SULT2B1: variants seen among roughly 807,000 people sequenced by gnomAD.
The protein encoded by SULT2B1 is sulfotransferase 2B1.
Under a neutral mutation model 33.2 loss-of-function variants are expected in SULT2B1, and 16 were observed. The ratio of observed to expected loss-of-function variants is 0.48; its 90% CI spans 0.33 to 0.73. SULT2B1 has a LOEUF of 0.73. Ranked by LOEUF, SULT2B1 falls within the 30% of genes least tolerant of loss-of-function variation. SULT2B1 has a pLI of 0.02. For synonymous variants in SULT2B1, 186 were observed against 200.5 expected (o/e 0.93, Z 0.61); for missense variants, 500 against 506.0 (o/e 0.99, Z 0.11).
chr19:48,591,801 G>C, intron 4 of SULT2B1, 66 bp downstream of exon 4: 3 of 1,483,172 alleles, frequency 2.0e-6, no homozygotes, highest in Non-Finnish European at 2.7e-6. Context: ...GATGGGCAGA[G>C]GGACAGAGGA....
Position 48,587,299 on chromosome 19 carries a change from G to T in SULT2B1, c.285G>T (p.Val95=). 6.2e-7 allele frequency: 1 copy of T among 1,614,058 alleles called. No individual in the cohort carries two copies. Among genetic ancestry groups the T allele is most frequent in the Non-Finnish European group, 8.5e-7 (1 of 1,180,012 alleles). The change falls in exon 3 of 7, where the codon GTG becomes GTT. Residue 95 remains valine (V), a synonymous_variant. Transcript: ENST00000201586. The part of the protein sequence containing the change: ...KEGDPSWIRS[V]PIWERAPWCE... Reference sequence around the variant, plus strand: ...GGGATCCATCCTGGATCCGCTCCGTGCCCATCTGGGAGCGGGCACCCTGGT... The same window carrying T: ...GGGATCCATCCTGGATCCGCTCCGTTCCCATCTGGGAGCGGGCACCCTGGT...
In SULT2B1 at chr19:48,599,044, C is replaced by T. The variant is rs756895887; in HGVS notation, c.827-91C>T. 1.3e-5 allele frequency: 20 copies of T among 1,499,564 alleles called. No individual in the cohort carries two copies. The highest frequency in any genetic ancestry group is 2.6e-5 in the South Asian group (2 of 77,772). The allele number at this position is 1,499,564 out of a possible 1,614,324, so 92.9% of individuals were successfully genotyped here. A position where few individuals can be genotyped will look rare whatever the true frequency, so the allele number is the denominator to read the frequency against. On this transcript the variant is annotated intron_variant, in intron 6 of 6. Transcript: ENST00000201586. This position sits in a 1 kb window ranked among gnomAD's most constrained non-coding sequence, Gnocchi z 4.1. ...GCAAAGGGAACACCTCGCCAAAGGC[C>T]GGGAAGGGGAAGGAGGTTGCTGGAA...
At chr19:48,572,850 G>A (rs1973348807) in intron 1 of SULT2B1, among the ~76,000 whole-genome samples, 1 of 152,072 alleles carries the variant, frequency 6.6e-6, no homozygotes, top group Non-Finnish European at 1.5e-5. Context: ...GGGCTGGGAA[G>A]TTGGGCCTTT....
intron 3 of SULT2B1, among the ~76,000 whole-genome samples, chr19:48,590,754 G>A (rs1275088029): frequency 1.3e-5 from 2 of 152,174 alleles, no homozygotes; most frequent in African/African-American, 4.8e-5. Flanking sequence ...GTTATTACAA[G>A]ACCTCACACC....
At chr19:48,580,870 G>A (rs1601102352) in intron 2 of SULT2B1, among the ~76,000 whole-genome samples, 1 of 152,010 alleles carries the variant, frequency 6.6e-6, no homozygotes, top group Non-Finnish European at 1.5e-5. Context: ...CCAAAGTGCT[G>A]GGATTACAGG....
At chr19:48,585,434 G>A (rs1458161189) in intron 2 of SULT2B1, among the ~76,000 whole-genome samples, 1 of 151,942 alleles carries the variant, frequency 6.6e-6, no homozygotes, top group African/African-American at 2.4e-5. Flanking sequence ...TTGGGAGGCT[G>A]AGGCAGGTGG....
intron 1 of SULT2B1, 99 bp from the exon 2 acceptor site, chr19:48,575,842 G>C: frequency 6.5e-7 from 1 of 1,532,036 alleles, no homozygotes; most frequent in South Asian, 1.3e-5. Flanking sequence ...GAGGCTCTGA[G>C]GAGGAAGTTC....
intron 1 of SULT2B1, among the ~76,000 whole-genome samples, chr19:48,560,707 T>A (rs1973164351): frequency 6.6e-6 from 1 of 152,128 alleles, no homozygotes; most frequent in African/African-American, 2.4e-5. Context: ...ATGCCTATAA[T>A]CCCAGCACTT....
At chr19:48,553,991 G>A (rs557302702) in intron 1 of SULT2B1, among the ~76,000 whole-genome samples, 28 of 152,058 alleles carry the variant, frequency 1.8e-4, no homozygotes, top group African/African-American at 6.3e-4. Context: ...TCTCCGCGAC[G>A]GCTCTGCCAG....
intron 1 of SULT2B1, among the ~76,000 whole-genome samples, chr19:48,574,450 G>C (rs1055295156): frequency 6.6e-6 from 1 of 152,114 alleles, no homozygotes; most frequent in Non-Finnish European, 1.5e-5. Context: ...ATTCCTTCAG[G>C]GCCTCTCCAA....
intron 1 of SULT2B1, among the ~76,000 whole-genome samples, chr19:48,570,604 G>A (rs1023494197): frequency 6.6e-6 from 1 of 152,194 alleles, no homozygotes; most frequent in Non-Finnish European, 1.5e-5. Flanking sequence ...CTATAAACAT[G>A]AGTGTAGATG....
chr19:48,588,796 G>A (rs1973603034), intron 3 of SULT2B1, among the ~76,000 whole-genome samples: 1 of 151,924 alleles, frequency 6.6e-6, no homozygotes, highest in African/African-American at 2.4e-5. Flanking sequence ...GTTTCTAGAG[G>A]AAGAGCATTT....
Position 48,552,523 on chromosome 19 carries a change from C to T in SULT2B1, c.71+200C>T, listed in dbSNP as rs565705216. Among the ~76,000 whole-genome samples the T allele has an allele frequency of 3.9e-4, 59 of 152,240 alleles. 2 individuals are homozygous for T. The highest frequency in any genetic ancestry group is 3.1e-3 in the Admixed American group (48 of 15,280). ...CCTGAGAAGGGAGTGAGGACCCGAC[C>T]GTGTTGAGTCACCAGTGGGGATGCC... On this transcript the variant is annotated intron_variant, in intron 1 of 6. Coordinates refer to ENST00000201586, the MANE Select transcript of SULT2B1 (RefSeq NM_177973.2). This position sits in a 1 kb window ranked among gnomAD's most constrained non-coding sequence, Gnocchi z 4.8.
chr19:48,597,647 C>CTTTTTCCTTT (rs1973737930), intron 6 of SULT2B1, among the ~76,000 whole-genome samples: 1 of 15,776 alleles, frequency 6.3e-5, no homozygotes, highest in Non-Finnish European at 1.2e-4. Context: ...CCGGCCTTTT[C>CTTTTTCCTTT]TTTTTTCTTT....
rs770217698 is a variant in SULT2B1 at position 48,564,551 on chromosome 19, C to CAAAAAAAAAAA, written c.72-11376_72-11366dup. ...TGGGCAACAGAGCGAGACTCCGTCT[C>CAAAAAAAAAAA]AAAAAAAAAAAAAAAAAAAAAAAAG... On this transcript the variant is annotated intron_variant, in intron 1 of 6. Coordinates refer to ENST00000201586, the MANE Select transcript of SULT2B1 (RefSeq NM_177973.2). Among the ~76,000 whole-genome samples, 135 of 57,616 alleles carry CAAAAAAAAAAA rather than the reference C, an allele frequency of 2.3e-3. 1 individual carries two copies. Among genetic ancestry groups the CAAAAAAAAAAA allele is most frequent in the East Asian group, 4.0e-3 (7 of 1,752 alleles). The allele number at this position is 57,616 out of a possible 152,430, so 37.8% of individuals were successfully genotyped here. A position where few individuals can be genotyped will look rare whatever the true frequency, so the allele number is the denominator to read the frequency against.
In SULT2B1 at chr19:48,576,359, C is replaced by CTTTTTTTTTTT. The variant is rs1188887401; in HGVS notation, c.214+284_214+294dup. On this transcript the variant is annotated intron_variant, in intron 2 of 6. Coordinates refer to ENST00000201586, the MANE Select transcript of SULT2B1 (RefSeq NM_177973.2). ...CCTTTCCCCTTTACCCTCTACTTCT[C>CTTTTTTTTTTT]TTTTTTTTTTTTTTTTTTGTAGAGA... Among the ~76,000 whole-genome samples the CTTTTTTTTTTT allele has an allele frequency of 6.2e-5, 6 of 96,708 alleles. 1 individual carries two copies. The highest frequency in any genetic ancestry group is 1.7e-4 in the African/African-American group (4 of 23,306). 63.4% of individuals were successfully genotyped at this position (96,708 alleles called of 152,430 possible).
In SULT2B1 at chr19:48,576,359, C is replaced by CTTTTCTTTCTTTTTTTT; in HGVS notation, c.214+280_214+281insCTTTCTTTTTTTTTTTT. Among the ~76,000 whole-genome samples the CTTTTCTTTCTTTTTTTT allele has an allele frequency of 2.2e-3, 211 of 96,682 alleles. 24 individuals carry two copies. The highest frequency in any genetic ancestry group is 6.6e-3 in the African/African-American group (153 of 23,288). The allele number at this position is 96,682 out of a possible 152,430, so 63.4% of individuals were successfully genotyped here. On this transcript the variant is annotated intron_variant, in intron 2 of 6. Coordinates refer to ENST00000201586, the MANE Select transcript of SULT2B1 (RefSeq NM_177973.2). Reference sequence around the variant, plus strand: ...CCTTTCCCCTTTACCCTCTACTTCTCTTTTTTTTTTTTTTTTTTGTAGAGA... The same window carrying CTTTTCTTTCTTTTTTTT: ...CCTTTCCCCTTTACCCTCTACTTCTCTTTTCTTTCTTTTTTTTTTTTTTTTTTTTTTTTTTGTAGAGA...
At chr19:48,592,154 G>A (rs1190701496) in intron 4 of SULT2B1, among the ~76,000 whole-genome samples, 2 of 152,012 alleles carry the variant, frequency 1.3e-5, no homozygotes, top group Admixed American at 6.6e-5. Flanking sequence ...TTAGCCGGGT[G>A]TGGTGGCGGT....
intron 1 of SULT2B1, among the ~76,000 whole-genome samples, chr19:48,553,991 G>T (rs557302702): frequency 2.6e-5 from 4 of 151,940 alleles, no homozygotes; most frequent in African/African-American, 9.7e-5. Context: ...TCTCCGCGAC[G>T]GCTCTGCCAG....
Sources: allele counts gnomAD v4.1 joint callset (sites outside exome capture counted in the v4.1 genomes callset), GRCh38; gene constraint gnomAD v4.1.1; non-coding constraint Gnocchi (gnomAD v3.1); transcripts MANE v1.5; gene names NCBI Gene and HGNC (gene_info 2026-07-23, HGNC 2026-07-21).